The following NPC1L1 variants were observed in gnomAD, a reference collection of about 807,000 sequenced individuals.
The protein encoded by NPC1L1 is NPC1 like intracellular cholesterol transporter 1, also known as NPC1-like intracellular cholesterol transporter 1.
NPC1L1 carries 98 observed loss-of-function variants against 117.0 expected under a neutral mutation model. That is an observed-to-expected ratio of 0.84 (90% CI 0.71 to 0.99). NPC1L1 has a LOEUF of 0.99. NPC1L1 is among the 50% of genes least tolerant of loss of function. The pLI is 0.00. For missense variants in NPC1L1, 1,540 were observed against 1,710.0 expected (o/e 0.90, Z 1.75); for synonymous variants, 729 against 727.6 (o/e 1.00, Z -0.03).
At position 44,517,197 on chromosome 7, in the gene NPC1L1, A is replaced by G. The variant is rs1801217179; in HGVS notation, c.3287+10T>C. ...CCACCTCCCTCCAGCCCAGCCACTC[A>G]GGTCCTCACGTGTAGGGGAAGACCT... is the stretch of plus-strand genomic sequence containing the variant. On this transcript the variant is annotated intron_variant, in intron 15 of 18. Coordinates refer to ENST00000381160, the MANE Select transcript of NPC1L1 (RefSeq NM_001101648.2). 1 of 1,613,980 alleles carries G rather than the reference A, an allele frequency of 6.2e-7. No individual in the cohort carries two copies. Among genetic ancestry groups the G allele is most frequent in the Admixed American group, 1.7e-5 (1 of 59,990 alleles).
Position 44,515,936 on chromosome 7 carries a change from C to T in NPC1L1, c.3663G>A (p.Leu1221=). The T allele has an allele frequency of 6.2e-7, 1 of 1,614,072 alleles. No individual in the cohort carries two copies. The highest frequency in any genetic ancestry group is 8.5e-7 in the Non-Finnish European group (1 of 1,179,994). ...AVFAGVAMTN[L]PGILVLGLAK... is the part of the protein sequence containing the mutation. ...CGAGGCCCAGGACAAGGATGCCAGG[C>T]AGGTTGGTCATGGCCACACCTGCAA... The change falls in exon 18 of 19, where the codon CTG becomes CTA. Residue 1221 remains leucine (L), a synonymous_variant. Coordinates refer to ENST00000381160, the MANE Select transcript of NPC1L1 (RefSeq NM_001101648.2).
intron 10 of NPC1L1, among the ~76,000 whole-genome samples, chr7:44,527,638 C>T (rs1801563115): frequency 6.6e-6 from 1 of 151,968 alleles, no homozygotes; most frequent in Non-Finnish European, 1.5e-5. Context: ...TATGATCACA[C>T]CACTGCATCT....
chr7:44,531,688 C>T (rs749152720), intron 10 of NPC1L1, 67 bp downstream of exon 10: 7 of 1,413,518 alleles, frequency 5.0e-6, no homozygotes, highest in Non-Finnish European at 6.8e-6. Context: ...CCAACCCATC[C>T]CTGCTGGTTG....
intron 10 of NPC1L1, among the ~76,000 whole-genome samples, chr7:44,528,806 C>T (rs966921212): frequency 2.0e-5 from 3 of 152,200 alleles, no homozygotes; most frequent in African/African-American, 4.8e-5. Flanking sequence ...TGGTGGCTCA[C>T]GCCTGTAATC....
At chr7:44,525,221 C>A (rs943388907) in intron 10 of NPC1L1, among the ~76,000 whole-genome samples, 1 of 152,006 alleles carries the variant, frequency 6.6e-6, no homozygotes, top group South Asian at 2.1e-4. Context: ...TCAATAAACT[C>A]CAATAGGATA....
In NPC1L1 at chr7:44,540,048, A is replaced by G. The variant is rs1802043873; in HGVS notation, c.349T>C (p.Ser117Pro). Reference protein sequence around the residue: ...KALLTRCPACSDNFVNLHCHN... With the variant: ...KALLTRCPACPDNFVNLHCHN... ...CAGTGCAGGTTCACAAAATTGTCAG[A>G]GCAGGCTGGGCAGCGGGTGAGGAGG... Residue 117 changes from serine to proline, a missense_variant, in exon 2 of 19, where the codon TCT (serine) becomes CCT (proline). Transcript: ENST00000381160. 4 of 1,614,180 alleles carry G rather than the reference A, an allele frequency of 2.5e-6. No homozygotes were observed. Among genetic ancestry groups the G allele is most frequent in the Non-Finnish European group, 2.5e-6 (3 of 1,180,032 alleles).
chr7:44,523,605 C>G (rs1801424745), intron 10 of NPC1L1, among the ~76,000 whole-genome samples: 1 of 152,160 alleles, frequency 6.6e-6, no homozygotes, highest in African/African-American at 2.4e-5. Context: ...ATGGCTTACA[C>G]TTGTAATTTC....
intron 8 of NPC1L1, among the ~76,000 whole-genome samples, chr7:44,532,522 G>A (rs753792454): frequency 6.6e-6 from 1 of 151,968 alleles, no homozygotes; most frequent in Non-Finnish European, 1.5e-5. Context: ...CACCTCTGCC[G>A]CCCCTGAAAC....
rs1033897047 is a variant in NPC1L1, at chr7:44,534,746, G to A, written c.1984-117C>T. ...GCACCCTCAGTGCCTGCAGGTGCCCGATACTGCCCCCAGTGGTGAGGAGCT... is the reference window on the plus strand; with the variant it reads ...GCACCCTCAGTGCCTGCAGGTGCCCAATACTGCCCCCAGTGGTGAGGAGCT... On this transcript the variant is annotated intron_variant, in intron 5 of 18. Transcript: ENST00000381160. This position sits in a 1 kb window ranked among gnomAD's most constrained non-coding sequence, Gnocchi z 5.2. 7.0e-6 allele frequency: 7 copies of A among 1,005,704 alleles called. No individual in the cohort carries two copies. Among genetic ancestry groups the A allele is most frequent in the African/African-American group, 1.6e-5 (1 of 62,360 alleles). The allele number at this position is 1,005,704 out of a possible 1,614,324, so 62.3% of individuals were successfully genotyped here.
Position 44,536,823 on chromosome 7 carries a change from C to T in NPC1L1, c.1681+19G>A. 1 of 1,601,464 alleles carries T rather than the reference C, an allele frequency of 6.2e-7. No homozygotes were observed. The highest frequency in any genetic ancestry group is 8.6e-7 in the Non-Finnish European group (1 of 1,168,478). Reference sequence around the variant, plus strand: ...TACTGCATCTTCCTTGGCTTCCTCTCAGGGCCCACTTAGCTTACCTTTGTA... The same window carrying T: ...TACTGCATCTTCCTTGGCTTCCTCTTAGGGCCCACTTAGCTTACCTTTGTA... On this transcript the variant is annotated intron_variant, in intron 3 of 18. Transcript: ENST00000381160. This position sits in a 1 kb window ranked among gnomAD's most constrained non-coding sequence, Gnocchi z 4.7.
At chr7:44,529,566 T>G (rs985026766) in intron 10 of NPC1L1, among the ~76,000 whole-genome samples, 4 of 151,638 alleles carry the variant, frequency 2.6e-5, no homozygotes, top group Non-Finnish European at 5.9e-5. Flanking sequence ...TTAGTAGAGA[T>G]GGGGTTTCTC....
chr7:44,516,298 T>C (rs1442264891), intron 16 of NPC1L1, 101 bp from the exon 17 acceptor site: 2 of 1,005,180 alleles, frequency 2.0e-6, no homozygotes, highest in Non-Finnish European at 3.1e-6. Context: ...GGCATCTAGA[T>C]TCTAGACAGA....
At position 44,539,466 on chromosome 7, in the gene NPC1L1, TG is replaced by T. The variant is rs1180072682; in HGVS notation, c.930del (p.Arg311GlyfsTer43). On this transcript the variant is annotated frameshift_variant, in exon 2 of 19. Transcript: ENST00000381160. LOFTEE classifies it high-confidence loss of function. This position sits in a 1 kb window ranked among gnomAD's most constrained non-coding sequence, Gnocchi z 4.4. Reference protein sequence around the residue: ...ILLVGFRVAPARDKSKMVDPK... With the variant: ...ILLVGFRVAPXRDKSKMVDPK... ...GGGTCCACCATCTTGCTTTTGTCCC[TG>T]GCGGGGGCCACACGGAATCCCACAA... 6.2e-7 allele frequency: 1 copy of T among 1,614,034 alleles called. No individual in the cohort carries two copies. Among genetic ancestry groups the T allele is most frequent in the Admixed American group, 1.7e-5 (1 of 60,018 alleles).
chr7:44,521,882 G>T (rs1801368435), intron 11 of NPC1L1, 46 bp from the exon 12 acceptor site: 1 of 1,612,882 alleles, frequency 6.2e-7, no homozygotes, highest in Non-Finnish European at 8.5e-7. Flanking sequence ...GCTGGGCAGG[G>T]TGGTGGGTCC....
At position 44,533,545 on chromosome 7, in the gene NPC1L1, G is replaced by A; in HGVS notation, c.2295C>T (p.Pro765=). ...AICFFLGALT[P]MPAVRTFALT... is the part of the protein sequence containing the mutation. The stretch of plus-strand genomic sequence containing the variant: ...GGGCAAAGGTCCGCACAGCTGGCAT[G>A]GGGGTCAGGGCCCCTGTGAGGGAGC... The change falls in exon 8 of 19, where the codon CCC becomes CCT. Residue 765 remains proline (P), a synonymous_variant. Transcript: ENST00000381160. 6.2e-7 allele frequency: 1 copy of A among 1,614,190 alleles called. No individual in the cohort carries two copies. Among genetic ancestry groups the A allele is most frequent in the Non-Finnish European group, 8.5e-7 (1 of 1,180,028 alleles).
At position 44,538,909 on chromosome 7, in the gene NPC1L1, G is replaced by T. The variant is rs1191312419; in HGVS notation, c.1488C>A (p.Asn496Lys). The T allele has an allele frequency of 1.9e-6, 3 of 1,614,242 alleles. No homozygotes were observed. The highest frequency in any genetic ancestry group is 3.3e-5 in the Admixed American group (2 of 60,030). The change falls in exon 2 of 19, where the codon AAC becomes AAA. Residue 496 changes from asparagine (N) to lysine (K), a missense_variant. Physicochemically the swap from Asn to Lys is moderately conservative, Grantham distance 94 (BLOSUM62 0). Coordinates refer to ENST00000381160, the MANE Select transcript of NPC1L1 (RefSeq NM_001101648.2). This position sits in a 1 kb window ranked among gnomAD's most constrained non-coding sequence, Gnocchi z 5.9. ...CINSLLQYFQNNRTLLLLTAN... is the reference protein window; with the variant it reads ...CINSLLQYFQKNRTLLLLTAN... ...CTGTGAGCAGCAGGAGCGTGCGGTT[G>T]TTCTGGAAATACTGCAGGAGGCTGT...
chr7:44,530,134 T>C (rs927713475), intron 10 of NPC1L1, among the ~76,000 whole-genome samples: 8 of 151,564 alleles, frequency 5.3e-5, no homozygotes, highest in African/African-American at 1.9e-4. Context: ...GGTCAGAAGT[T>C]CAAGACCAGC....
chr7:44,513,794 C>A, intron 18 of NPC1L1, 145 bp from the exon 19 acceptor site: 1 of 909,416 alleles, frequency 1.1e-6, no homozygotes, highest in Non-Finnish European at 1.7e-6. Flanking sequence ...ACTATGTTCA[C>A]AGCCCAAGCT....
Position 44,515,952 on chromosome 7 carries a change from A to G in NPC1L1, c.3647T>C (p.Val1216Ala), listed in dbSNP as rs1204206415. 1 of 1,613,850 alleles carries G rather than the reference A, an allele frequency of 6.2e-7. No homozygotes were observed. The highest frequency in any genetic ancestry group is 1.3e-5 in the African/African-American group (1 of 74,908). Residue 1216 changes from valine (V) to alanine (A), a missense_variant, in exon 18 of 19, where the codon GTG (valine) becomes GCG (alanine). Physicochemically the swap from Val to Ala is moderately conservative, Grantham distance 64. Transcript: ENST00000381160. Reference sequence around the variant, plus strand: ...GATGCCAGGCAGGTTGGTCATGGCCACACCTGCAAACACCTGGGGGGTTCA... The same window carrying G: ...GATGCCAGGCAGGTTGGTCATGGCCGCACCTGCAAACACCTGGGGGGTTCA... ...ISMGSAVFAGVAMTNLPGILV... is the reference protein window; with the variant it reads ...ISMGSAVFAGAAMTNLPGILV...
Sources: gnomAD v4.1 joint callset for allele counts (sites outside exome capture counted in the v4.1 genomes callset) on GRCh38, gnomAD v4.1.1 for gene constraint, Gnocchi (gnomAD v3.1) non-coding constraint, MANE v1.5 for transcripts, NCBI Gene and HGNC (gene_info 2026-07-23, HGNC 2026-07-21) for gene names.